DRC11: variants seen among roughly 807,000 people sequenced by gnomAD.
DRC11 encodes the protein dynein regulatory complex subunit 11, also known as IQ and AAA domain-containing protein 1.
chr2:236,376,600 A>G, the DRC11 span, among the ~76,000 whole-genome samples: 1 of 152,184 alleles, frequency 6.6e-6, no homozygotes, highest in African/African-American at 2.4e-5. The surrounding 1 kb of genome is among the most constrained non-coding windows in gnomAD (Gnocchi z 5.7). Context: ...TCAGGTCATC[A>G]TGGTGTTTTT....
At chr2:236,367,763 G>T in the DRC11 span, 1 of 206,378 alleles carries the variant, frequency 4.8e-6, no homozygotes, top group Non-Finnish European at 9.9e-6. The surrounding 1 kb of genome is among the most constrained non-coding windows in gnomAD (Gnocchi z 4.8). Flanking sequence ...AACTGGCAGG[G>T]CCTTAAAGGT....
At chr2:236,384,346 TG>T in the DRC11 span, among the ~76,000 whole-genome samples, 1 of 152,262 alleles carries the variant, frequency 6.6e-6, no homozygotes, top group East Asian at 1.9e-4. Flanking sequence ...GACTTTTTAA[TG>T]ATTGCCATTC....
chr2:236,452,737 T>G, the DRC11 span, among the ~76,000 whole-genome samples: 4 of 152,362 alleles, frequency 2.6e-5, no homozygotes, highest in East Asian at 7.7e-4. The surrounding 1 kb of genome is among the most constrained non-coding windows in gnomAD (Gnocchi z 4.7). Context: ...ACTGGGATAG[T>G]CTTAGCAGTT....
the DRC11 span, chr2:236,344,580 T>C: frequency 6.2e-7 from 1 of 1,613,718 alleles, no homozygotes; most frequent in Non-Finnish European, 8.5e-7. Flanking sequence ...TTGGGAACTT[T>C]TTTGTAGAAG....
At chr2:236,491,874 A>G in the DRC11 span, among the ~76,000 whole-genome samples, 1 of 152,188 alleles carries the variant, frequency 6.6e-6, no homozygotes, top group African/African-American at 2.4e-5. Context: ...GTGTCCCACA[A>G]ACTTCATGTG....
At chr2:236,312,553 A>C in the DRC11 span, among the ~76,000 whole-genome samples, 24 of 152,310 alleles carry the variant, frequency 1.6e-4, 1 homozygote, top group South Asian at 4.8e-3. Context: ...ACCCAACAGG[A>C]GATAGATTTT....
At chr2:236,350,853 G>T in the DRC11 span, among the ~76,000 whole-genome samples, 2 of 152,164 alleles carry the variant, frequency 1.3e-5, no homozygotes, top group Non-Finnish European at 2.9e-5. The surrounding 1 kb of genome is among the most constrained non-coding windows in gnomAD (Gnocchi z 5.2). Context: ...GGGAAGCTGA[G>T]GGGCCTGCTG....
the DRC11 span, among the ~76,000 whole-genome samples, chr2:236,420,354 C>T: frequency 3.9e-5 from 6 of 152,148 alleles, no homozygotes; most frequent in East Asian, 5.8e-4. This position sits in a 1 kb window ranked among gnomAD's most constrained non-coding sequence, Gnocchi z 4.8. Flanking sequence ...CTTACTCCAT[C>T]GTACAAAATG....
the DRC11 span, among the ~76,000 whole-genome samples, chr2:236,435,589 A>G: frequency 6.6e-6 from 1 of 152,220 alleles, no homozygotes; most frequent in African/African-American, 2.4e-5. Context: ...CATGTCTTAC[A>G]TGGTGGTAGG....
chr2:236,502,660 A>T, the DRC11 span, among the ~76,000 whole-genome samples: 2 of 151,860 alleles, frequency 1.3e-5, no homozygotes. Context: ...AAAGAACAAT[A>T]AATATTTAAG....
At chr2:236,424,830 C>A in the DRC11 span, among the ~76,000 whole-genome samples, 2 of 151,940 alleles carry the variant, frequency 1.3e-5, no homozygotes, top group African/African-American at 4.9e-5. Context: ...CCCCTCCCAC[C>A]CTTGGTAATC....
At chr2:236,357,684 A>T in the DRC11 span, among the ~76,000 whole-genome samples, 1 of 88,258 alleles carries the variant, frequency 1.1e-5, no homozygotes, top group Admixed American at 1.0e-4. Context: ...ATATATTTAC[A>T]ATATGTAAAT....
At chr2:236,444,363 T>C in the DRC11 span, among the ~76,000 whole-genome samples, 1 of 152,258 alleles carries the variant, frequency 6.6e-6, no homozygotes, top group Non-Finnish European at 1.5e-5. Flanking sequence ...CTGGAGCTGC[T>C]GGCTTGATTC....
the DRC11 span, among the ~76,000 whole-genome samples, chr2:236,383,788 A>G: frequency 1.3e-5 from 2 of 152,074 alleles, no homozygotes; most frequent in East Asian, 3.9e-4. Flanking sequence ...AGCATTAGGT[A>G]TATCTCCCGA....
the DRC11 span, among the ~76,000 whole-genome samples, chr2:236,502,599 C>T: frequency 0.018 from 1,828 of 100,726 alleles, 57 homozygotes; most frequent in East Asian, 0.15. Context: ...AATTGCAATA[C>T]TTTAATGCAG....
the DRC11 span, among the ~76,000 whole-genome samples, chr2:236,472,118 TC>T: frequency 6.6e-6 from 1 of 152,202 alleles, no homozygotes; most frequent in Non-Finnish European, 1.5e-5. This position sits in a 1 kb window ranked among gnomAD's most constrained non-coding sequence, Gnocchi z 4.6. Flanking sequence ...TTCCTTTTTT[TC>T]CCCAAAGCCT....
the DRC11 span, among the ~76,000 whole-genome samples, chr2:236,317,093 C>T: frequency 1.0e-3 from 153 of 152,162 alleles, no homozygotes; most frequent in Admixed American, 2.1e-3. This position sits in a 1 kb window ranked among gnomAD's most constrained non-coding sequence, Gnocchi z 5.4. Flanking sequence ...GTCAGGAGAT[C>T]GAGACCATCC....
the DRC11 span, among the ~76,000 whole-genome samples, chr2:236,459,604 TATACGTATATAAGTATATAC>T: frequency 0.01 from 1,359 of 134,518 alleles, 33 homozygotes; most frequent in African/African-American, 0.034. Flanking sequence ...CGTATACATA[TATACGTATATAAGTATATAC>T]ATACGTATAT....
the DRC11 span, among the ~76,000 whole-genome samples, chr2:236,334,827 G>A: frequency 6.6e-6 from 1 of 152,078 alleles, no homozygotes; most frequent in Non-Finnish European, 1.5e-5. The surrounding 1 kb of genome is among the most constrained non-coding windows in gnomAD (Gnocchi z 7.8). Flanking sequence ...ACCAGACACT[G>A]GGTCTGGGTG....
Sources: allele counts gnomAD v4.1 joint callset (sites outside exome capture counted in the v4.1 genomes callset), GRCh38; gene constraint gnomAD v4.1.1; non-coding constraint Gnocchi (gnomAD v3.1); transcripts MANE v1.5; gene names NCBI Gene and HGNC (gene_info 2026-07-23, HGNC 2026-07-21).